The following GABRA5 variants were observed in gnomAD, a reference collection of about 807,000 sequenced individuals.
GABRA5 encodes the protein gamma-aminobutyric acid receptor subunit alpha-5.
In GABRA5, 18 loss-of-function variants were observed where a neutral mutation model predicts 47.3. The observed-to-expected ratio is 0.38, with a 90% CI of 0.26 to 0.56. GABRA5 has a LOEUF of 0.56. GABRA5 is among the 20% of genes least tolerant of loss of function. The pLI, the probability that GABRA5 is intolerant of heterozygous loss-of-function variation, is 0.71. For missense variants in GABRA5, 365 were observed against 599.3 expected (o/e 0.61, Z 4.08); for synonymous variants, 237 against 229.3 (o/e 1.03, Z -0.30).
chr15:26,927,032 C>A (rs1031052699), intron 7 of GABRA5, among the ~76,000 whole-genome samples: 4 of 152,014 alleles, frequency 2.6e-5, no homozygotes, highest in Admixed American at 2.0e-4. Context: ...AGAAGTAAAA[C>A]CAATAGAAGT....
At chr15:26,934,130 T>C (rs956883196) in intron 7 of GABRA5, among the ~76,000 whole-genome samples, 1 of 151,480 alleles carries the variant, frequency 6.6e-6, no homozygotes, top group African/African-American at 2.4e-5. Flanking sequence ...CAGGTACCTG[T>C]AATCCCAGCT....
At chr15:26,868,248 C>G (rs897429251) in intron 1 of GABRA5, 1 of 152,110 alleles carries the variant, frequency 6.6e-6, no homozygotes, top group Middle Eastern at 3.2e-3. Context: ...CCGGGCCCCG[C>G]GACGAGCCCC....
At chr15:26,902,407 G>T (rs1166366270) in intron 6 of GABRA5, among the ~76,000 whole-genome samples, 4 of 151,924 alleles carry the variant, frequency 2.6e-5, no homozygotes, top group Admixed American at 2.6e-4. Context: ...AATGTAACTT[G>T]TATTGTGTCT....
Position 26,869,305 on chromosome 15 carries a change from T to C in GABRA5, c.57T>C (p.Cys19=). ...TGATCAAAAACCTCCTTCTCTTTTG[T>C]ATTTCCATGAACTTATCCAGTCACT... ...FIMIKNLLLF[C]ISMNLSSHFG... Residue 19 remains cysteine (C), a synonymous_variant, in exon 3 of 11, where the codon TGT becomes TGC. Transcript: ENST00000335625. The C allele has an allele frequency of 1.2e-6, 2 of 1,608,364 alleles. No individual in the cohort carries two copies. The highest frequency in any genetic ancestry group is 1.7e-6 in the Non-Finnish European group (2 of 1,174,794).
At chr15:26,939,293 C>T in intron 8 of GABRA5, 1 of 765,334 alleles carries the variant, frequency 1.3e-6, no homozygotes, top group Admixed American at 1.7e-5. Context: ...CTCCTCGTGC[C>T]TCCCACACAG....
chr15:26,878,414 A>T (rs1353128809), intron 3 of GABRA5, among the ~76,000 whole-genome samples: 1 of 152,184 alleles, frequency 6.6e-6, no homozygotes, highest in Non-Finnish European at 1.5e-5. Flanking sequence ...TGGCTGTGAA[A>T]GCGGTGTATT....
chr15:26,902,578 T>C (rs1391053267), intron 6 of GABRA5, among the ~76,000 whole-genome samples: 2 of 152,146 alleles, frequency 1.3e-5, no homozygotes, highest in East Asian at 3.9e-4. Flanking sequence ...TCAAGCTCAA[T>C]TGTGCTCAAG....
At chr15:26,869,971 G>A (rs372137996) in intron 3 of GABRA5, among the ~76,000 whole-genome samples, 1 of 152,012 alleles carries the variant, frequency 6.6e-6, no homozygotes. Flanking sequence ...TTTTTTTCAT[G>A]AAACTAGTGA....
chr15:26,929,982 T>C (rs1197078705), intron 7 of GABRA5, among the ~76,000 whole-genome samples: 1 of 148,314 alleles, frequency 6.7e-6, no homozygotes, highest in African/African-American at 2.5e-5. Context: ...ATTCTGCTTC[T>C]TTCTTCTTCT....
chr15:26,898,105 C>T (rs931668631), intron 6 of GABRA5, among the ~76,000 whole-genome samples: 9 of 152,052 alleles, frequency 5.9e-5, no homozygotes, highest in African/African-American at 1.4e-4. Flanking sequence ...CATTTTGAAA[C>T]GTGCACTGGA....
intron 7 of GABRA5, among the ~76,000 whole-genome samples, chr15:26,924,436 A>G (rs1893910971): frequency 6.6e-6 from 1 of 152,114 alleles, no homozygotes; most frequent in Admixed American, 6.6e-5. Flanking sequence ...TGGTGGAGAA[A>G]GTTTGGAACA....
At chr15:26,880,165 CA>C (rs748903591) in intron 3 of GABRA5, among the ~76,000 whole-genome samples, 2 of 152,254 alleles carry the variant, frequency 1.3e-5, no homozygotes, top group East Asian at 3.9e-4. Context: ...ATTGAACAAA[CA>C]AAAAATGTTC....
At position 26,926,049 on chromosome 15, in the gene GABRA5, C is replaced by G. The variant is rs188995477; in HGVS notation, c.581-11136C>G. Among the ~76,000 whole-genome samples, 319 of 152,302 alleles carry G rather than the reference C, an allele frequency of 2.1e-3. 2 individuals are homozygous for G. Among genetic ancestry groups the G allele is most frequent in the African/African-American group, 7.2e-3 (300 of 41,558 alleles). The stretch of plus-strand genomic sequence containing the variant: ...GATTTTGCACCTCACTCTCCAGCTG[C>G]TGCTTTAATAGTTCCAGGCTCTTCT... On this transcript the variant is annotated intron_variant, in intron 7 of 10. Transcript: ENST00000335625.
chr15:26,890,284 C>A (rs1355464600), intron 6 of GABRA5, among the ~76,000 whole-genome samples: 2 of 152,032 alleles, frequency 1.3e-5, no homozygotes, highest in African/African-American at 4.8e-5. Flanking sequence ...AGAGTAGAGA[C>A]CACCTATTAC....
At position 26,947,952 on chromosome 15, in the gene GABRA5, C is replaced by T. The variant is rs751024710; in HGVS notation, c.1108C>T (p.Leu370=). Residue 370 remains leucine, a synonymous_variant, in exon 11 of 11, where the codon CTA becomes TTA. Coordinates refer to ENST00000335625, the MANE Select transcript of GABRA5 (RefSeq NM_000810.4). The part of the protein sequence containing the change: ...AKIKKKREVI[L]NKSTNAFTTG... ...TTTGCAGAAAAAGCGTGAAGTCATA[C>T]TAAATAAGTCAACAAACGCTTTTAC... 1.9e-6 allele frequency: 3 copies of T among 1,579,446 alleles called. No homozygotes were observed. The highest frequency in any genetic ancestry group is 1.7e-6 in the Non-Finnish European group (2 of 1,161,862).
At chr15:26,908,834 G>C (rs1213975905) in intron 6 of GABRA5, among the ~76,000 whole-genome samples, 1 of 152,152 alleles carries the variant, frequency 6.6e-6, no homozygotes, top group Non-Finnish European at 1.5e-5. Context: ...CATTATCAAA[G>C]TCTGAATTTT....
chr15:26,927,516 T>C (rs1226332657), intron 7 of GABRA5, among the ~76,000 whole-genome samples: 1 of 152,238 alleles, frequency 6.6e-6, no homozygotes, highest in Non-Finnish European at 1.5e-5. Context: ...AATGATTTTA[T>C]TCATATGTCA....
chr15:26,879,229 T>C (rs1244687193), intron 3 of GABRA5, among the ~76,000 whole-genome samples: 2 of 152,220 alleles, frequency 1.3e-5, no homozygotes, highest in African/African-American at 2.4e-5. Flanking sequence ...GCAAACTCGG[T>C]GACAATTATG....
chr15:26,937,681 AT>A (rs1204934842), intron 8 of GABRA5, among the ~76,000 whole-genome samples: 1 of 152,174 alleles, frequency 6.6e-6, no homozygotes, highest in East Asian at 1.9e-4. Flanking sequence ...CAGTGCAGAG[AT>A]TTCCCTGGAG....
Sources: gnomAD v4.1 joint callset for allele counts (sites outside exome capture counted in the v4.1 genomes callset) on GRCh38, gnomAD v4.1.1 for gene constraint, MANE v1.5 for transcripts, NCBI Gene and HGNC (gene_info 2026-07-23, HGNC 2026-07-21) for gene names.